CNKSR2: variants seen among roughly 807,000 people sequenced by gnomAD.
CNKSR2 encodes connector enhancer of kinase suppressor of Ras 2.
Under a neutral mutation model 84.4 loss-of-function variants are expected in CNKSR2, and 14 were observed. The ratio of observed to expected loss-of-function variants is 0.17; its 90% CI spans 0.11 to 0.26. The LOEUF (loss-of-function observed/expected upper bound fraction) is 0.26. Ranked by LOEUF, CNKSR2 falls within the 10% of genes least tolerant of loss-of-function variation. The pLI is 1.00. For synonymous variants in CNKSR2, 275 were observed against 277.9 expected (o/e 0.99, Z 0.10); for missense variants, 485 against 771.2 (o/e 0.63, Z 4.40).
At chrX:21,476,323 TAAAC>T (rs2091260318) in intron 5 of CNKSR2, among the ~76,000 whole-genome samples, 1 of 111,250 alleles carries the variant, frequency 9.0e-6, no homozygotes, top group African/African-American at 3.3e-5. Context: ...AAGCAGAAAA[TAAAC>T]CATGGAGAAA....
At position 21,652,794 on chromosome X, in the gene CNKSR2, G is replaced by A. The variant is rs1219255093; in HGVS notation, c.*273G>A. ...TTTGCAAACAATTCTAAATACAGGT[G>A]GTCTTCAAGTAGTAAAACCACAAAA... On this transcript the variant is annotated 3_prime_UTR_variant, in exon 22 of 22. Coordinates refer to ENST00000379510, the MANE Select transcript of CNKSR2 (RefSeq NM_014927.5). The A allele has an allele frequency of 2.6e-5, 6 of 232,552 alleles. No homozygotes were observed. The highest frequency in any genetic ancestry group is 4.6e-5 in the Non-Finnish European group (6 of 131,607). The allele number at this position is 232,552 out of a possible 1,213,427, so 19.2% of individuals were successfully genotyped here.
intron 11 of CNKSR2, among the ~76,000 whole-genome samples, chrX:21,549,360 A>C (rs1394258045): frequency 1.8e-5 from 2 of 111,943 alleles, no homozygotes; most frequent in African/African-American, 6.5e-5. Context: ...CTTACAAGGG[A>C]TGTGAAGGAC....
chrX:21,490,626 T>A (rs2091432844), intron 6 of CNKSR2, 48 bp downstream of exon 6: 3 of 1,148,077 alleles, frequency 2.6e-6, no homozygotes, highest in Non-Finnish European at 2.3e-6. Context: ...AGTAGAGAGC[T>A]AATGATGTGG....
rs750460318 is a variant in CNKSR2 at position 21,649,889 on chromosome X, C to T, written c.2889+862C>T. Among the ~76,000 whole-genome samples the T allele has an allele frequency of 1.8e-3, 202 of 112,277 alleles. 1 individual carries two copies. The highest frequency in any genetic ancestry group is 5.7e-3 in the African/African-American group (175 of 30,881). On this transcript the variant is annotated intron_variant, in intron 21 of 21. Transcript: ENST00000379510. Reference sequence around the variant, plus strand: ...ACCACAATGAGATACCATCTCACGCCAGTTAGAATGGCGATCATTAAAAAG... The same window carrying T: ...ACCACAATGAGATACCATCTCACGCTAGTTAGAATGGCGATCATTAAAAAG...
At chrX:21,511,327 C>G (rs1328141447) in intron 8 of CNKSR2, among the ~76,000 whole-genome samples, 1 of 111,084 alleles carries the variant, frequency 9.0e-6, no homozygotes. Context: ...GTCATTTAAT[C>G]TTTTATGCGA....
intron 13 of CNKSR2, among the ~76,000 whole-genome samples, chrX:21,567,795 G>GGT (rs58020537): frequency 0.017 from 1,568 of 90,109 alleles, 32 homozygotes; most frequent in African/African-American, 0.05. Context: ...GTTTTTGTGT[G>GGT]GTGTGTGTGT....
At chrX:21,492,454 CAT>C in intron 6 of CNKSR2, 2 of 111,332 alleles carry the variant, frequency 1.8e-5, no homozygotes, top group Middle Eastern at 9.3e-3. Flanking sequence ...TAAAATTGCA[CAT>C]ATTCACCAGT....
At chrX:21,632,258 G>A (rs1441958993) in intron 20 of CNKSR2, among the ~76,000 whole-genome samples, 1 of 111,408 alleles carries the variant, frequency 9.0e-6, no homozygotes, top group Non-Finnish European at 1.9e-5. Context: ...GTTTCTGTTG[G>A]GAGCAATGTA....
chrX:21,636,361 G>A (rs750104149), intron 20 of CNKSR2, among the ~76,000 whole-genome samples: 1 of 110,798 alleles, frequency 9.0e-6, no homozygotes, highest in African/African-American at 3.3e-5. Context: ...ATTTTCTGTC[G>A]GGGGTTCATG....
In CNKSR2 at chrX:21,591,205, G is replaced by T; in HGVS notation, c.1830+11G>T. The T allele has an allele frequency of 8.8e-7, 1 of 1,139,322 alleles. No individual in the cohort carries two copies. The allele number at this position is 1,139,322 out of a possible 1,213,427, so 93.9% of individuals were successfully genotyped here. On this transcript the variant is annotated intron_variant, in intron 15 of 21. Coordinates refer to ENST00000379510, the MANE Select transcript of CNKSR2 (RefSeq NM_014927.5). ...TATATTAATGAGGAGGTAAGATAAA[G>T]CACCTTTTGTTTTCTCATCCATTCT...
In CNKSR2 at chrX:21,465,451, C is replaced by T. The variant is rs73203334; in HGVS notation, c.520-5315C>T. ...TAATATTCATTGCTTAAATTAACCC[C>T]TTAGGCATGTAAAGACATTTTGATA... On this transcript the variant is annotated intron_variant, in intron 4 of 21. Transcript: ENST00000379510. Among the ~76,000 whole-genome samples the T allele has an allele frequency of 5.7e-3, 632 of 110,971 alleles. 1 individual carries two copies. Among genetic ancestry groups the T allele is most frequent in the Non-Finnish European group, 9.9e-3 (522 of 52,874 alleles).
intron 1 of CNKSR2, among the ~76,000 whole-genome samples, chrX:21,401,911 A>G (rs1002537303): frequency 9.0e-6 from 1 of 111,613 alleles, no homozygotes; most frequent in African/African-American, 3.2e-5. Context: ...TCTCTAGGTT[A>G]GATGTTATTA....
At chrX:21,522,519 A>G (rs1225567110) in intron 9 of CNKSR2, among the ~76,000 whole-genome samples, 1 of 111,237 alleles carries the variant, frequency 9.0e-6, no homozygotes, top group Non-Finnish European at 1.9e-5. Context: ...TTGCCCAGAG[A>G]TGTTAAAATG....
chrX:21,417,245 A>G (rs2090435235), intron 1 of CNKSR2, among the ~76,000 whole-genome samples: 1 of 111,708 alleles, frequency 9.0e-6, no homozygotes, highest in South Asian at 3.7e-4. Flanking sequence ...CTTGTCATCA[A>G]TTTCTAGTTT....
intron 13 of CNKSR2, among the ~76,000 whole-genome samples, chrX:21,573,310 A>G (rs1366188784): frequency 8.9e-6 from 1 of 111,886 alleles, no homozygotes; most frequent in Non-Finnish European, 1.9e-5. Flanking sequence ...GCACAGTGCA[A>G]GCTGTTGGTA....
chrX:21,461,095 T>A (rs1040338129), intron 4 of CNKSR2, among the ~76,000 whole-genome samples: 9 of 112,270 alleles, frequency 8.0e-5, no homozygotes, highest in Non-Finnish European at 1.7e-4. Context: ...TTTAGTTTTT[T>A]AAGGAACCTC....
chrX:21,618,435 T>TA (rs1458024113), intron 20 of CNKSR2, among the ~76,000 whole-genome samples: 1 of 112,274 alleles, frequency 8.9e-6, no homozygotes, highest in Non-Finnish European at 1.9e-5. Context: ...AATTTGATCT[T>TA]AAAAAATTAA....
intron 11 of CNKSR2, among the ~76,000 whole-genome samples, chrX:21,552,057 C>T (rs1364918540): frequency 9.4e-6 from 1 of 106,743 alleles, no homozygotes; most frequent in Non-Finnish European, 1.9e-5. Flanking sequence ...GGAGACAATA[C>T]GTTTATCCCT....
chrX:21,463,544 G>A (rs192362052), intron 4 of CNKSR2, among the ~76,000 whole-genome samples: 1 of 111,409 alleles, frequency 9.0e-6, no homozygotes, highest in East Asian at 2.8e-4. Context: ...TTTCTTCATG[G>A]TTAAATTTTG....
Sources: gnomAD v4.1 joint callset for allele counts (sites outside exome capture counted in the v4.1 genomes callset) on GRCh38, gnomAD v4.1.1 for gene constraint, MANE v1.5 for transcripts, NCBI Gene and HGNC (gene_info 2026-07-23, HGNC 2026-07-21) for gene names.